The following SFI1 variants were observed in gnomAD, a reference collection of about 807,000 sequenced individuals.
SFI1 encodes protein SFI1 homolog.
In SFI1, 195 loss-of-function variants were observed where a neutral mutation model predicts 207.5. The ratio of observed to expected loss-of-function variants is 0.94; its 90% CI spans 0.84 to 1.06. The LOEUF is 1.06. SFI1 is among the 50% of genes least tolerant of loss of function. The pLI, the probability that SFI1 is intolerant of heterozygous loss-of-function variation, is 0.00. For missense variants in SFI1, 1,634 were observed against 1,588.0 expected (o/e 1.03, Z -0.49); for synonymous variants, 630 against 598.9 (o/e 1.05, Z -0.76).
chr22:31,534,614 C>G (rs1398591525), intron 4 of SFI1, among the ~76,000 whole-genome samples: 1 of 152,026 alleles, frequency 6.6e-6, no homozygotes, highest in African/African-American at 2.4e-5. Context: ...TGGTTTTTTC[C>G]CAGCACCTCA....
intron 15 of SFI1, among the ~76,000 whole-genome samples, chr22:31,594,854 C>CAAAAAAAAAAAAAA (rs67157514): frequency 1.3e-5 from 1 of 76,814 alleles, no homozygotes; most frequent in Non-Finnish European, 2.3e-5. Flanking sequence ...GACTCTGTCT[C>CAAAAAAAAAAAAAA]AAAAAAAAAA....
Position 31,561,402 on chromosome 22 carries a change from G to A in SFI1, c.765+10G>A, listed in dbSNP as rs747036774. Reference sequence around the variant, plus strand: ...GAGCCTCCAGGTGCAGGTGAGTCCAGCAGACGTGGGATTTGGCATCCTCTG... The same window carrying A: ...GAGCCTCCAGGTGCAGGTGAGTCCAACAGACGTGGGATTTGGCATCCTCTG... On this transcript the variant is annotated intron_variant, in intron 8 of 32. Transcript: ENST00000400288. The A allele has an allele frequency of 1.3e-4, 214 of 1,609,818 alleles. 1 individual carries two copies. The Middle Eastern group carries it at 1.7e-3, about 13-fold the overall frequency.
chr22:31,618,559 A>G lies in SFI1; in HGVS notation c.*141A>G, dbSNP rs1603389099. 1.2e-6 allele frequency: 1 copy of G among 829,498 alleles called. No homozygotes were observed. The highest frequency in any genetic ancestry group is 1.7e-6 in the Non-Finnish European group (1 of 579,750). The allele number at this position is 829,498 out of a possible 1,614,324, so 51.4% of individuals were successfully genotyped here. A position where few individuals can be genotyped will look rare whatever the true frequency, so the allele number is the denominator to read the frequency against. On this transcript the variant is annotated 3_prime_UTR_variant, in exon 33 of 33. Transcript: ENST00000400288. ...ATGAATTACTGTTCAGAAGTCTCCC[A>G]CTTTTCATACAAAAATACTGTGCTA...
intron 12 of SFI1, among the ~76,000 whole-genome samples, chr22:31,580,895 T>A (rs1166593097): frequency 6.6e-6 from 1 of 152,178 alleles, no homozygotes; most frequent in Non-Finnish European, 1.5e-5. Flanking sequence ...GAAAAACTTG[T>A]TTGATCCCAT....
At position 31,606,610 on chromosome 22, in the gene SFI1, A is replaced by G. The variant is rs1569453081; in HGVS notation, c.2157+180A>G. 3 of 552,078 alleles carry G rather than the reference A, an allele frequency of 5.4e-6. No individual in the cohort carries two copies. The South Asian group carries it at 7.5e-5, about 14-fold the overall frequency. 34.2% of individuals were successfully genotyped at this position (552,078 alleles called of 1,614,324 possible). On this transcript the variant is annotated intron_variant, in intron 21 of 32. Transcript: ENST00000400288. ...GGGCACATGTTTAGTTTTTTACTGA[A>G]TTACAAACCAATATGCATTAAATAG...
At chr22:31,522,447 C>G (rs2057391966) in intron 2 of SFI1, among the ~76,000 whole-genome samples, 1 of 152,178 alleles carries the variant, frequency 6.6e-6, no homozygotes, top group Admixed American at 6.6e-5. Context: ...CAAAACTTTT[C>G]ATCATCCCAT....
intron 9 of SFI1, 55 bp downstream of exon 9, chr22:31,573,269 T>G (rs1190682701): frequency 1.0e-5 from 16 of 1,587,436 alleles, no homozygotes; most frequent in South Asian, 9.0e-5. Flanking sequence ...AGTTTCACTC[T>G]CCTGCTGCCA....
At chr22:31,588,318 AT>A (rs1247805853) in intron 14 of SFI1, among the ~76,000 whole-genome samples, 1 of 152,218 alleles carries the variant, frequency 6.6e-6, no homozygotes, top group East Asian at 1.9e-4. Flanking sequence ...GTAGTCAGCT[AT>A]CAGAGCTTCA....
chr22:31,565,733 C>G (rs1225452017), intron 8 of SFI1, among the ~76,000 whole-genome samples: 1 of 151,980 alleles, frequency 6.6e-6, no homozygotes, highest in Admixed American at 6.6e-5. Context: ...AATGGTATGG[C>G]TTTGTGTAGT....
intron 19 of SFI1, 156 bp downstream of exon 19, chr22:31,604,560 A>C: frequency 1.5e-6 from 1 of 661,524 alleles, no homozygotes; most frequent in South Asian, 2.1e-5. Context: ...GCCTTAGGCC[A>C]TAGGGTTCTT....
rs751790136 is a variant in SFI1, at chr22:31,611,753, TG to T, written c.2416-12del. ...GTCAGGACGCCACTCTCTGTGCACT[TG>T]CTCTCCCCCAGCTCCTGCACAGGCA... On this transcript the variant is annotated splice_polypyrimidine_tract_variant and intron_variant, in intron 23 of 32. Transcript: ENST00000400288. 6 of 1,611,866 alleles carry T rather than the reference TG, an allele frequency of 3.7e-6. 1 individual carries two copies. In the South Asian group the frequency reaches 5.5e-5, roughly 15 times the overall value.
chr22:31,604,548 G>A (rs531273344), intron 19 of SFI1, 144 bp downstream of exon 19: 3 of 710,772 alleles, frequency 4.2e-6, no homozygotes, highest in African/African-American at 3.6e-5. Flanking sequence ...CCCGGACAGC[G>A]GGCCTTAGGC....
At chr22:31,581,878 A>G (rs2064220806) in intron 12 of SFI1, among the ~76,000 whole-genome samples, 1 of 152,122 alleles carries the variant, frequency 6.6e-6, no homozygotes, top group Admixed American at 6.6e-5. Context: ...AAAGTAAATT[A>G]TAGACATCAT....
chr22:31,573,909 A>G (rs981486482), intron 9 of SFI1, among the ~76,000 whole-genome samples: 1 of 152,216 alleles, frequency 6.6e-6, no homozygotes, highest in African/African-American at 2.4e-5. Context: ...TTTAACAACT[A>G]TTCATATTTT....
In SFI1 at chr22:31,556,973, G is replaced by T. The variant is rs1193788098; in HGVS notation, c.576G>T (p.Lys192Asn). The change falls in exon 7 of 33, where the codon AAG (lysine) becomes AAT (asparagine). Residue 192 changes from lysine to asparagine, a missense_variant. By Grantham distance (94) the Lys-to-Asn change is moderately conservative. Coordinates refer to ENST00000400288, the MANE Select transcript of SFI1 (RefSeq NM_001007467.3). ...DAKQKMRQAW[K>N]SWLIYVVVRR... is the part of the protein sequence containing the mutation. ...AGCAAAAGATGCGACAGGCCTGGAA[G>T]TCCTGGTTGATCTACGTGGTTGTTC... 3.1e-6 allele frequency: 5 copies of T among 1,611,168 alleles called. No homozygotes were observed. In the African/African-American group the frequency reaches 5.3e-5, roughly 17 times the overall value.
chr22:31,601,717 A>G (rs926071387), intron 15 of SFI1, among the ~76,000 whole-genome samples: 3 of 152,208 alleles, frequency 2.0e-5, no homozygotes, highest in Admixed American at 1.3e-4. Flanking sequence ...CCTTTTTAAC[A>G]GTTTATGGTT....
intron 4 of SFI1, among the ~76,000 whole-genome samples, chr22:31,537,962 T>G (rs1240264596): frequency 6.6e-6 from 1 of 151,916 alleles, no homozygotes; most frequent in Non-Finnish European, 1.5e-5. Flanking sequence ...TGTTTTAGCT[T>G]TGTTTTTTGT....
In SFI1 at chr22:31,505,625, C is replaced by T. The variant is rs1481677534; in HGVS notation, c.-30-2630C>T. Among the ~76,000 whole-genome samples, 5 of 151,664 alleles carry T rather than the reference C, an allele frequency of 3.3e-5. No individual in the cohort carries two copies. The East Asian group carries it at 9.7e-4, about 29-fold the overall frequency. On this transcript the variant is annotated intron_variant, in intron 1 of 32. Coordinates refer to ENST00000400288, the MANE Select transcript of SFI1 (RefSeq NM_001007467.3). The stretch of plus-strand genomic sequence containing the variant: ...GACAGAGTGAGACCCTATCTCTACA[C>T]ACAAAAAAAGGCACTTTGGGAGGCT...
intron 5 of SFI1, among the ~76,000 whole-genome samples, chr22:31,548,741 G>A (rs557055013): frequency 3.9e-5 from 6 of 151,976 alleles, no homozygotes; most frequent in African/African-American, 1.4e-4. Context: ...CCCAGGAGTC[G>A]GAGGTTGCAG....
Sources: allele counts gnomAD v4.1 joint callset (sites outside exome capture counted in the v4.1 genomes callset), GRCh38; gene constraint gnomAD v4.1.1; transcripts MANE v1.5; gene names NCBI Gene and HGNC (gene_info 2026-07-23, HGNC 2026-07-21).